TRABD2B: variants seen among roughly 807,000 people sequenced by gnomAD.
The protein encoded by TRABD2B is TraB domain containing 2B, also known as metalloprotease TIKI2.
Under a neutral mutation model 40.1 loss-of-function variants are expected in TRABD2B, and 14 were observed. That is an observed-to-expected ratio of 0.35 (90% CI 0.23 to 0.55). The LOEUF is 0.55. Ranked by LOEUF, TRABD2B falls within the 20% of genes least tolerant of loss-of-function variation. TRABD2B has a pLI of 0.90. For synonymous variants in TRABD2B, 263 were observed against 277.0 expected, an observed-to-expected ratio of 0.95 and a Z score of 0.50; for missense variants, 541 against 648.6, an observed-to-expected ratio of 0.83 and a Z score of 1.80.
At chr1:47,836,003 C>A (rs75420678) in intron 2 of TRABD2B, among the ~76,000 whole-genome samples, 3,682 of 152,142 alleles carry the variant, frequency 0.024, 116 homozygotes, top group Admixed American at 0.094. Flanking sequence ...TACAAGGATG[C>A]AATTTGTATG....
chr1:47,895,794 C>A (rs547183569), intron 2 of TRABD2B, among the ~76,000 whole-genome samples: 2 of 152,230 alleles, frequency 1.3e-5, no homozygotes, highest in Non-Finnish European at 2.9e-5. Flanking sequence ...TTCCTCAGGT[C>A]GCACTGCTGA....
rs1646052778 is a variant in TRABD2B, at chr1:47,994,136, G to A, written c.564C>T (p.Leu188=). ...TCTTCTCAGCCTGCTGGGCCAGGTA[G>A]AGGTCGAGCACGGGCACACCACGGA... ...VRFRGVPVLD[L]YLAQQAEKMK... is the part of the protein sequence containing the mutation. The change falls in exon 2 of 7, where the codon CTC becomes CTT. Residue 188 remains leucine (L), a synonymous_variant. Transcript: ENST00000606738. The surrounding 1 kb of genome is among the most constrained non-coding windows in gnomAD (Gnocchi z 6.7). The A allele has an allele frequency of 6.5e-7, 1 of 1,536,338 alleles. No homozygotes were observed. Among genetic ancestry groups the A allele is most frequent in the East Asian group, 2.4e-5 (1 of 40,910 alleles).
chr1:47,844,744 T>A (rs1273994954), intron 2 of TRABD2B, among the ~76,000 whole-genome samples: 1 of 152,126 alleles, frequency 6.6e-6, no homozygotes, highest in Non-Finnish European at 1.5e-5. Flanking sequence ...ACAGACAGGA[T>A]TCATGGTAAG....
At chr1:47,916,693 C>T (rs1447444469) in intron 2 of TRABD2B, among the ~76,000 whole-genome samples, 1 of 152,234 alleles carries the variant, frequency 6.6e-6, no homozygotes, top group East Asian at 1.9e-4. Context: ...AGGGAAGCTG[C>T]AGGACATGGG....
chr1:47,769,152 C>T lies in TRABD2B; in HGVS notation c.1350-3046G>A, dbSNP rs573793122. Among the ~76,000 whole-genome samples, 10 of 151,428 alleles carry T rather than the reference C, an allele frequency of 6.6e-5. No homozygotes were observed. In the East Asian group the frequency reaches 1.8e-3, roughly 27 times the overall value. On this transcript the variant is annotated intron_variant, in intron 6 of 6. Coordinates refer to ENST00000606738, the MANE Select transcript of TRABD2B (RefSeq NM_001194986.2). ...ATCATTACCTCAGCCCCTTTCCTCC[C>T]TTTCTTTTCTAATGAAAACAAAAAC... is the stretch of plus-strand genomic sequence containing the variant.
chr1:47,988,284 T>C (rs1310940355), intron 2 of TRABD2B, among the ~76,000 whole-genome samples: 1 of 152,196 alleles, frequency 6.6e-6, no homozygotes, highest in East Asian at 1.9e-4. Flanking sequence ...ATTCAGGTGC[T>C]CTGTGCCTCA....
intron 6 of TRABD2B, among the ~76,000 whole-genome samples, chr1:47,772,436 C>T (rs949875584): frequency 1.3e-5 from 2 of 151,648 alleles, no homozygotes; most frequent in Non-Finnish European, 1.5e-5. Context: ...GTGGCTGAGG[C>T]GGAAAGAAGG....
intron 2 of TRABD2B, among the ~76,000 whole-genome samples, chr1:47,805,972 A>G (rs916886516): frequency 6.6e-6 from 1 of 152,152 alleles, no homozygotes; most frequent in African/African-American, 2.4e-5. Flanking sequence ...CCTGGAAGAG[A>G]GCCAAGAGGG....
intron 2 of TRABD2B, among the ~76,000 whole-genome samples, chr1:47,899,068 G>C (rs930694574): frequency 1.3e-4 from 20 of 152,320 alleles, no homozygotes; most frequent in African/African-American, 4.3e-4. Context: ...GAGTCTTTCT[G>C]GATGTGAGAC....
chr1:47,823,309 G>A (rs549246434), intron 2 of TRABD2B, among the ~76,000 whole-genome samples: 1 of 152,404 alleles, frequency 6.6e-6, no homozygotes, highest in South Asian at 2.1e-4. Context: ...CCACTTCCAA[G>A]TGAGAATCAG....
At chr1:47,905,489 C>T (rs183516263) in intron 2 of TRABD2B, among the ~76,000 whole-genome samples, 55 of 152,284 alleles carry the variant, frequency 3.6e-4, no homozygotes, top group Admixed American at 3.5e-3. Context: ...CCATCCCACT[C>T]AGCAGAAATA....
At chr1:47,840,819 T>C (rs754252137) in intron 2 of TRABD2B, among the ~76,000 whole-genome samples, 6 of 152,098 alleles carry the variant, frequency 3.9e-5, no homozygotes, top group Non-Finnish European at 5.9e-5. Flanking sequence ...AGAGAAAAAT[T>C]TGCTGCTTAA....
In TRABD2B at chr1:47,899,624, G is replaced by T. The variant is rs527468655; in HGVS notation, c.666+94410C>A. ...AACCATGGAAGGCTTTCTGGAGGAGGTACTATTAGAACATTTTGAAGAAGA... is the reference window on the plus strand; with the variant it reads ...AACCATGGAAGGCTTTCTGGAGGAGTTACTATTAGAACATTTTGAAGAAGA... On this transcript the variant is annotated intron_variant, in intron 2 of 6. Transcript: ENST00000606738. Among the ~76,000 whole-genome samples the T allele has an allele frequency of 7.2e-5, 11 of 152,334 alleles. No homozygotes were observed. The East Asian group carries it at 1.9e-3, about 27-fold the overall frequency.
intron 2 of TRABD2B, among the ~76,000 whole-genome samples, chr1:47,889,181 T>C (rs1234082831): frequency 6.6e-6 from 1 of 152,178 alleles, no homozygotes; most frequent in East Asian, 1.9e-4. Flanking sequence ...GACCAGGTGA[T>C]GGTGAATCCT....
In TRABD2B at chr1:47,795,919, C is replaced by T. The variant is rs115558995; in HGVS notation, c.814-1159G>A. On this transcript the variant is annotated intron_variant, in intron 3 of 6. Transcript: ENST00000606738. ...CCATCACCCCACACTATACGCCCAG[C>T]CACATGGCCTGGGAACAGCATTAAC... Among the ~76,000 whole-genome samples the T allele has an allele frequency of 7.4e-3, 1,124 of 152,314 alleles. 13 individuals carry two copies. Among genetic ancestry groups the T allele is most frequent in the African/African-American group, 0.026 (1,082 of 41,566 alleles).
At chr1:47,837,085 A>G (rs546618813) in intron 2 of TRABD2B, among the ~76,000 whole-genome samples, 2 of 152,306 alleles carry the variant, frequency 1.3e-5, no homozygotes, top group South Asian at 4.1e-4. Flanking sequence ...CCTTTTTGTC[A>G]TCCAGAGAGA....
intron 4 of TRABD2B, among the ~76,000 whole-genome samples, chr1:47,781,275 C>T (rs537478676): frequency 2.6e-5 from 4 of 152,352 alleles, no homozygotes; most frequent in East Asian, 3.9e-4. Flanking sequence ...AGCCCAACAG[C>T]GGTCCTCGCG....
At chr1:47,913,012 G>A (rs962697839) in intron 2 of TRABD2B, among the ~76,000 whole-genome samples, 7 of 152,194 alleles carry the variant, frequency 4.6e-5, no homozygotes, top group Admixed American at 6.5e-5. Context: ...GATTTCAAGT[G>A]TCTGGGCAGC....
chr1:47,819,277 A>T (rs1645075637), intron 2 of TRABD2B: 1 of 152,298 alleles, frequency 6.6e-6, no homozygotes, highest in Admixed American at 6.5e-5. Flanking sequence ...ATCACGGCCC[A>T]TGCCAGTGGA....
Sources: gnomAD v4.1 joint callset for allele counts (sites outside exome capture counted in the v4.1 genomes callset) on GRCh38, gnomAD v4.1.1 for gene constraint, Gnocchi (gnomAD v3.1) non-coding constraint, MANE v1.5 for transcripts, NCBI Gene and HGNC (gene_info 2026-07-23, HGNC 2026-07-21) for gene names.